The following CLSTN2 variants were observed in gnomAD, a reference collection of about 807,000 sequenced individuals.
CLSTN2 encodes the protein calsyntenin 2.
Under a neutral mutation model 101.2 loss-of-function variants are expected in CLSTN2, and 48 were observed. The observed-to-expected ratio is 0.47, with a 90% CI of 0.38 to 0.60. The LOEUF is 0.60. Ranked by LOEUF, CLSTN2 falls within the 20% of genes least tolerant of loss-of-function variation. The pLI is 0.00. For synonymous variants in CLSTN2, 481 were observed against 463.6 expected (o/e 1.04, Z -0.48); for missense variants, 1,160 against 1,238.2 (o/e 0.94, Z 0.95).
intron 7 of CLSTN2, among the ~76,000 whole-genome samples, chr3:140,462,197 A>G (rs932353029): frequency 2.0e-4 from 30 of 151,308 alleles, no homozygotes; most frequent in African/African-American, 7.3e-4. Flanking sequence ...TATCTGTGAT[A>G]TTATTATGTC....
At chr3:140,224,521 G>A (rs1482008009) in intron 2 of CLSTN2, among the ~76,000 whole-genome samples, 1 of 152,174 alleles carries the variant, frequency 6.6e-6, no homozygotes, top group Non-Finnish European at 1.5e-5. Context: ...GTGCGTGCAG[G>A]CTTTATAGAC....
intron 4 of CLSTN2, among the ~76,000 whole-genome samples, chr3:140,413,395 CATA>C: frequency 6.6e-6 from 1 of 152,054 alleles, no homozygotes; most frequent in African/African-American, 2.4e-5. Context: ...AGACTGAATT[CATA>C]ATAATAGTTT....
intron 1 of CLSTN2, among the ~76,000 whole-genome samples, chr3:139,944,992 G>A (rs926548462): frequency 6.6e-6 from 1 of 152,162 alleles, no homozygotes; most frequent in African/African-American, 2.4e-5. Flanking sequence ...TTTTCTCATT[G>A]CTTCTGAGAA....
chr3:140,090,689 C>T (rs2008763926), intron 1 of CLSTN2, among the ~76,000 whole-genome samples: 1 of 152,114 alleles, frequency 6.6e-6, no homozygotes, highest in South Asian at 2.1e-4. Flanking sequence ...GCTACACCAG[C>T]CAGGAAAGAC....
chr3:140,496,746 G>C (rs1934474252), intron 8 of CLSTN2, among the ~76,000 whole-genome samples: 1 of 152,140 alleles, frequency 6.6e-6, no homozygotes, highest in Admixed American at 6.5e-5. Context: ...TGTAGGGGGT[G>C]TCTGGAGACC....
chr3:140,261,907 C>T (rs2086657497), intron 2 of CLSTN2, among the ~76,000 whole-genome samples: 1 of 152,136 alleles, frequency 6.6e-6, no homozygotes, highest in Admixed American at 6.6e-5. Flanking sequence ...CTTATCTTAG[C>T]TACCAAAATG....
rs185466322 is a variant in CLSTN2, at chr3:140,240,104, C to T, written c.232+64031C>T. 2.1e-3 allele frequency among the ~76,000 whole-genome samples: 302 copies of T among 141,476 alleles called. 2 individuals are homozygous for T. The highest frequency in any genetic ancestry group is 3.4e-3 in the Non-Finnish European group (220 of 65,352). 92.8% of individuals were successfully genotyped at this position (141,476 alleles called of 152,430 possible). ...TCCTCAACCTCCAGCCTAGCTCTGG[C>T]CATAAAGCTATACCTTAATTGCACC... On this transcript the variant is annotated intron_variant, in intron 2 of 16. Transcript: ENST00000458420.
At chr3:140,380,846 T>C (rs1315733796) in intron 2 of CLSTN2, among the ~76,000 whole-genome samples, 1 of 152,222 alleles carries the variant, frequency 6.6e-6, no homozygotes, top group African/African-American at 2.4e-5. Flanking sequence ...CCCCTCTGGC[T>C]TATGCGCAGG....
At chr3:140,126,951 T>C (rs2009443252) in intron 1 of CLSTN2, among the ~76,000 whole-genome samples, 1 of 151,906 alleles carries the variant, frequency 6.6e-6, no homozygotes, top group Non-Finnish European at 1.5e-5. Flanking sequence ...GTTAAAATAA[T>C]GTAATTAGCA....
At chr3:140,562,723 TCTTGTACCACAAGCCCTGG>T in intron 13 of CLSTN2, 69 bp from the exon 14 acceptor site, 1 of 1,395,332 alleles carries the variant, frequency 7.2e-7, no homozygotes, top group Non-Finnish European at 9.9e-7. Flanking sequence ...ACCCATGAGG[TCTTGTACCACAAGCCCTGG>T]CTTGTCTCCT....
chr3:140,442,120 A>G (rs769711974), intron 5 of CLSTN2, among the ~76,000 whole-genome samples: 2 of 152,092 alleles, frequency 1.3e-5, no homozygotes, highest in African/African-American at 4.8e-5. Flanking sequence ...ATGTTTTGAC[A>G]TCTGGGGGCC....
At chr3:140,173,345 A>G (rs1415609341) in intron 1 of CLSTN2, among the ~76,000 whole-genome samples, 1 of 152,192 alleles carries the variant, frequency 6.6e-6, no homozygotes, top group East Asian at 1.9e-4. Context: ...GTAGGTTCCC[A>G]TGGTCTCGGG....
intron 1 of CLSTN2, among the ~76,000 whole-genome samples, chr3:140,139,362 G>A (rs147808285): frequency 1.5e-4 from 23 of 152,320 alleles, no homozygotes; most frequent in Non-Finnish European, 2.2e-4. Context: ...CTGAGCTAAT[G>A]AGCCAGCTTC....
intron 8 of CLSTN2, among the ~76,000 whole-genome samples, chr3:140,495,822 T>C (rs553964159): frequency 2.6e-4 from 40 of 152,342 alleles, no homozygotes; most frequent in African/African-American, 9.4e-4. Flanking sequence ...CATTGGTCTA[T>C]GTGTCTGTTT....
intron 2 of CLSTN2, among the ~76,000 whole-genome samples, chr3:140,241,158 C>A (rs2086463512): frequency 6.6e-6 from 1 of 152,132 alleles, no homozygotes; most frequent in Non-Finnish European, 1.5e-5. Context: ...ACTAAGAGTG[C>A]CATCTCATGG....
intron 8 of CLSTN2, among the ~76,000 whole-genome samples, chr3:140,524,989 A>C (rs1364582410): frequency 6.6e-6 from 1 of 152,232 alleles, no homozygotes; most frequent in Non-Finnish European, 1.5e-5. Context: ...CTTCATTAAG[A>C]GGTTAGAAAG....
intron 2 of CLSTN2, among the ~76,000 whole-genome samples, chr3:140,274,038 C>T (rs1330172726): frequency 6.6e-6 from 1 of 152,154 alleles, no homozygotes; most frequent in Non-Finnish European, 1.5e-5. Flanking sequence ...CTCCCGGCTC[C>T]AGGGAAAGAG....
intron 2 of CLSTN2, among the ~76,000 whole-genome samples, chr3:140,378,661 A>G (rs4410413): frequency 0.42 from 63,775 of 152,136 alleles, 15,103 homozygotes; most frequent in Non-Finnish European, 0.54. Context: ...TGTGAGTCCA[A>G]TTGGAAGAGC....
chr3:139,983,460 C>A (rs1256734564), intron 1 of CLSTN2, among the ~76,000 whole-genome samples: 1 of 152,106 alleles, frequency 6.6e-6, no homozygotes, highest in Non-Finnish European at 1.5e-5. Context: ...TTTACATATT[C>A]ACTCCAAGGC....
Sources: gnomAD v4.1 joint callset for allele counts (sites outside exome capture counted in the v4.1 genomes callset) on GRCh38, gnomAD v4.1.1 for gene constraint, MANE v1.5 for transcripts, NCBI Gene and HGNC (gene_info 2026-07-23, HGNC 2026-07-21) for gene names.